The following SPAG9 variants were observed in gnomAD, a reference collection of about 807,000 sequenced individuals.
SPAG9 encodes C-Jun-amino-terminal kinase-interacting protein 4.
SPAG9 carries 35 observed loss-of-function variants against 166.5 expected under a neutral mutation model. The ratio of observed to expected loss-of-function variants is 0.21; its 90% CI spans 0.16 to 0.28. SPAG9 has a LOEUF of 0.28. Among genes scored for constraint, SPAG9 ranks in the 10% least tolerant of loss-of-function variants. The pLI is 1.00. For synonymous variants in SPAG9, 534 were observed against 565.5 expected (o/e 0.94, Z 0.79); for missense variants, 1,235 against 1,603.3 (o/e 0.77, Z 3.92).
In SPAG9 at chr17:50,990,596, C is replaced by T. The variant is rs145789418; in HGVS notation, c.2471G>A (p.Cys824Tyr). 8.1e-6 allele frequency: 13 copies of T among 1,614,088 alleles called. No homozygotes were observed. Among genetic ancestry groups the T allele is most frequent in the African/African-American group, 1.3e-5 (1 of 74,936 alleles). ...ESGQVDKASL[C>Y]GSMTSNSSAE... ...TGAGCTGTTGCTTGTCATACTTCCA[C>T]ATAAAGATGCTTTGTCTACCTGACC... Residue 824 changes from cysteine (C) to tyrosine (Y), a missense_variant, in exon 20 of 30, where the codon TGT becomes TAT. Cys to Tyr is a radical substitution (Grantham distance 194). Transcript: ENST00000262013.
chr17:51,007,154 G>C, intron 10 of SPAG9, 115 bp downstream of exon 10: 1 of 559,182 alleles, frequency 1.8e-6, no homozygotes, highest in Non-Finnish European at 3.2e-6. Flanking sequence ...CTCAGAGTTG[G>C]GGAACGAGAT....
In SPAG9 at chr17:50,965,667, T is replaced by C. The variant is rs1973322599; in HGVS notation, c.*605A>G. The stretch of plus-strand genomic sequence containing the variant: ...GTTTATTTAAATAGTGTAGTCTTAA[T>C]TTCTTTAATATAAAACCCCCCCAAA... On this transcript the variant is annotated 3_prime_UTR_variant, in exon 30 of 30. Transcript: ENST00000262013. 6.6e-6 allele frequency: 1 copy of C among 152,294 alleles called. No homozygotes were observed. Among genetic ancestry groups the C allele is most frequent in the African/African-American group, 2.4e-5 (1 of 41,460 alleles). The allele number at this position is 152,294 out of a possible 1,614,324, so 9.4% of individuals were successfully genotyped here.
intron 3 of SPAG9, among the ~76,000 whole-genome samples, chr17:51,047,989 A>T (rs1051015359): frequency 1.3e-5 from 2 of 152,136 alleles, no homozygotes; most frequent in Non-Finnish European, 2.9e-5. Context: ...TAATACCAAG[A>T]AAAGTTTCTT....
intron 9 of SPAG9, among the ~76,000 whole-genome samples, chr17:51,009,492 A>G (rs552811579): frequency 2.0e-5 from 3 of 152,158 alleles, no homozygotes; most frequent in Admixed American, 6.5e-5. Context: ...TATGATCCAT[A>G]TATTATCCTA....
intron 2 of SPAG9, among the ~76,000 whole-genome samples, chr17:51,071,931 TCAAA>T (rs2047830731): frequency 6.6e-6 from 1 of 152,136 alleles, no homozygotes. Context: ...CATCCAGCAC[TCAAA>T]CAAATGGCAC....
intron 1 of SPAG9, among the ~76,000 whole-genome samples, chr17:51,080,217 G>C (rs1238038468): frequency 6.6e-6 from 1 of 151,796 alleles, no homozygotes; most frequent in African/African-American, 2.4e-5. Context: ...GTAACACTAA[G>C]TGCAATCATT....
At chr17:50,978,220 A>G (rs923208540) in intron 26 of SPAG9, among the ~76,000 whole-genome samples, 1 of 152,246 alleles carries the variant, frequency 6.6e-6, no homozygotes, top group Non-Finnish European at 1.5e-5. Flanking sequence ...AACTGAGGGC[A>G]TGATCGCTGA....
chr17:51,089,560 ATATAAT>A (rs922312378), intron 1 of SPAG9, among the ~76,000 whole-genome samples: 7 of 145,152 alleles, frequency 4.8e-5, no homozygotes, highest in African/African-American at 1.3e-4. Flanking sequence ...AATTATATAT[ATATAAT>A]TATAATATAT....
chr17:51,109,191 A>G (rs1054018675), intron 1 of SPAG9, among the ~76,000 whole-genome samples: 2 of 152,038 alleles, frequency 1.3e-5, no homozygotes, highest in African/African-American at 4.8e-5. Context: ...AAAATTAGCC[A>G]ATTTTAATTC....
rs1973244528 is a variant in SPAG9 at position 50,964,172 on chromosome 17, TAAG to T, written c.*2097_*2099del. The T allele has an allele frequency of 6.6e-6, 1 of 152,242 alleles. No individual in the cohort carries two copies. Among genetic ancestry groups the T allele is most frequent in the African/African-American group, 2.4e-5 (1 of 41,460 alleles). 9.4% of individuals were successfully genotyped at this position (152,242 alleles called of 1,614,324 possible). A position where few individuals can be genotyped will look rare whatever the true frequency, so the allele number is the denominator to read the frequency against. On this transcript the variant is annotated 3_prime_UTR_variant, in exon 30 of 30. Coordinates refer to ENST00000262013, the MANE Select transcript of SPAG9 (RefSeq NM_001130528.3). ...CCAGAAAAAAAAAATCAGTGGTACT[TAAG>T]AATGTTTAGACAATTTGACATCTAC...
At chr17:51,066,642 G>C (rs991299417) in intron 2 of SPAG9, among the ~76,000 whole-genome samples, 2 of 150,732 alleles carry the variant, frequency 1.3e-5, no homozygotes, top group African/African-American at 2.4e-5. Flanking sequence ...AGATCACGAG[G>C]TCAGGAGATC....
chr17:51,060,802 C>G (rs898076280), intron 2 of SPAG9, among the ~76,000 whole-genome samples: 6 of 151,276 alleles, frequency 4.0e-5, no homozygotes, highest in Non-Finnish European at 7.4e-5. Context: ...GCGGCCCTAG[C>G]TGACTTATAC....
At chr17:51,047,722 A>G (rs1434583721) in intron 3 of SPAG9, among the ~76,000 whole-genome samples, 1 of 150,406 alleles carries the variant, frequency 6.6e-6, no homozygotes, top group Non-Finnish European at 1.5e-5. Flanking sequence ...AAAAAAACCC[A>G]CTTTTTTTAC....
At chr17:51,077,227 G>A (rs186311339) in intron 2 of SPAG9, among the ~76,000 whole-genome samples, 68 of 151,938 alleles carry the variant, frequency 4.5e-4, no homozygotes, top group African/African-American at 8.2e-4. Flanking sequence ...GGGGTCAAGC[G>A]ATTCTCCTGT....
At chr17:51,040,747 G>A (rs2046806789) in intron 5 of SPAG9, among the ~76,000 whole-genome samples, 1 of 152,076 alleles carries the variant, frequency 6.6e-6, no homozygotes. Flanking sequence ...AAGTATTATG[G>A]AGAAAAATAA....
At chr17:51,107,064 T>C (rs2048972513) in intron 1 of SPAG9, among the ~76,000 whole-genome samples, 1 of 149,628 alleles carries the variant, frequency 6.7e-6, no homozygotes. Context: ...ATCCCGCCAC[T>C]GCACTCTAGC....
chr17:50,964,556 C>T lies in SPAG9; in HGVS notation c.*1716G>A, dbSNP rs867378305. On this transcript the variant is annotated 3_prime_UTR_variant, in exon 30 of 30. Transcript: ENST00000262013. Reference sequence around the variant, plus strand: ...TGAGCTGAGATCGCACCACTGCATTCCAGCCTGGGCAACAGAGCCAGACTC... The same window carrying T: ...TGAGCTGAGATCGCACCACTGCATTTCAGCCTGGGCAACAGAGCCAGACTC... The T allele has an allele frequency of 6.0e-4, 140 of 233,286 alleles. 3 individuals are homozygous for T. The highest frequency in any genetic ancestry group is 4.4e-3 in the Middle Eastern group (4 of 914). The allele number at this position is 233,286 out of a possible 1,614,324, so 14.5% of individuals were successfully genotyped here.
intron 2 of SPAG9, among the ~76,000 whole-genome samples, chr17:51,061,223 T>C (rs927229543): frequency 2.0e-5 from 3 of 152,150 alleles, no homozygotes; most frequent in African/African-American, 7.2e-5. Context: ...AACAAAACAT[T>C]ATAATGCCAC....
intron 21 of SPAG9, among the ~76,000 whole-genome samples, chr17:50,988,260 T>C (rs1371711283): frequency 4.0e-5 from 6 of 151,802 alleles, no homozygotes; most frequent in Admixed American, 2.0e-4. Context: ...ATGCCGGAGG[T>C]TGCAAATTTT....
Sources: gnomAD v4.1 joint callset for allele counts (sites outside exome capture counted in the v4.1 genomes callset) on GRCh38, gnomAD v4.1.1 for gene constraint, MANE v1.5 for transcripts, NCBI Gene and HGNC (gene_info 2026-07-23, HGNC 2026-07-21) for gene names.